ATP5F1A: variants seen among roughly 807,000 people sequenced by gnomAD.
ATP5F1A encodes ATP synthase F(1) complex subunit alpha, mitochondrial.
Under a neutral mutation model 57.4 loss-of-function variants are expected in ATP5F1A, and 24 were observed. That is an observed-to-expected ratio of 0.42 (90% confidence interval 0.30 to 0.59). The LOEUF (loss-of-function observed/expected upper bound fraction) is 0.59, where lower values mean the gene tolerates loss of function less well. Ranked by LOEUF, ATP5F1A falls within the 20% of genes least tolerant of loss-of-function variation. The pLI, the probability that ATP5F1A is intolerant of heterozygous loss-of-function variation, is 0.19. For missense variants in ATP5F1A, 494 were observed against 707.9 expected (o/e 0.70, Z 3.43); for synonymous variants, 251 against 255.5 (o/e 0.98, Z 0.17).
At chr18:46,103,566 G>C (rs1243872789) in intron 1 of ATP5F1A, among the ~76,000 whole-genome samples, 1 of 124,406 alleles carries the variant, frequency 8.0e-6, no homozygotes, top group Non-Finnish European at 1.6e-5. Context: ...CGAGAGCCGA[G>C]ATCGTGCCAC....
At chr18:46,093,052 G>A (rs1910679968) in intron 2 of ATP5F1A, 1 of 152,108 alleles carries the variant, frequency 6.6e-6, no homozygotes, top group Admixed American at 6.6e-5. Flanking sequence ...GGGTGGCTGA[G>A]GCACGAGAAT....
chr18:46,086,833 A>G, intron 8 of ATP5F1A, 175 bp downstream of exon 8: 1 of 690,822 alleles, frequency 1.4e-6, no homozygotes, highest in Non-Finnish European at 2.4e-6. Flanking sequence ...TAACTGGGTG[A>G]CAGATACATG....
chr18:46,102,779 T>C (rs995896139), upstream of ATP5F1A, among the ~76,000 whole-genome samples: 2 of 151,768 alleles, frequency 1.3e-5, no homozygotes, highest in African/African-American at 4.8e-5. Flanking sequence ...AGACCCTCTT[T>C]CTACAAAAAA....
chr18:46,090,225 G>A (rs983332241), intron 3 of ATP5F1A, among the ~76,000 whole-genome samples: 15 of 152,078 alleles, frequency 9.9e-5, no homozygotes, highest in African/African-American at 3.6e-4. Context: ...AGCCTAATAT[G>A]CTCACTATCA....
upstream of ATP5F1A, among the ~76,000 whole-genome samples, chr18:46,100,554 G>A (rs1911246743): frequency 6.6e-6 from 1 of 151,816 alleles, no homozygotes; most frequent in Admixed American, 6.6e-5. Context: ...GGAGTGCAGT[G>A]AGCTGTGATC....
chr18:46,083,707 C>T lies in ATP5F1A; in HGVS notation c.*575G>A, dbSNP rs2852362. On this transcript the variant is annotated 3_prime_UTR_variant, in exon 12 of 12. Transcript: ENST00000398752. ...GAAACTTACAAAGAGCAGCCGGGTG[C>T]GGTGGCTCACACCTGTAATCCCAGC... 19,495 of 151,828 alleles carry T rather than the reference C, an allele frequency of 0.13. 1,630 individuals carry two copies. The highest frequency in any genetic ancestry group is 0.39 in the East Asian group (2,017 of 5,142). 9.4% of individuals were successfully genotyped at this position (151,828 alleles called of 1,614,324 possible). A position where few individuals can be genotyped will look rare whatever the true frequency, so the allele number is the denominator to read the frequency against.
intron 7 of ATP5F1A, 23 bp from the exon 8 acceptor site, chr18:46,087,255 G>A: frequency 6.2e-7 from 1 of 1,612,166 alleles, no homozygotes; most frequent in Non-Finnish European, 8.5e-7. Flanking sequence ...ATAGGTTTGT[G>A]AAGTTAACCT....
intron 8 of ATP5F1A, 196 bp from the exon 9 acceptor site, chr18:46,086,690 T>C: frequency 1.6e-6 from 1 of 607,486 alleles, no homozygotes. Flanking sequence ...GAAAAAAACA[T>C]AATAGGCAAC....
At chr18:46,090,527 C>A (rs1004020489) in intron 3 of ATP5F1A, among the ~76,000 whole-genome samples, 4 of 152,144 alleles carry the variant, frequency 2.6e-5, no homozygotes, top group African/African-American at 9.7e-5. Flanking sequence ...AACATAACAG[C>A]ACCAAATCAT....
intron 10 of ATP5F1A, chr18:46,085,796 G>T: frequency 4.0e-6 from 1 of 248,498 alleles, no homozygotes; most frequent in Non-Finnish European, 7.8e-6. Flanking sequence ...AGTCGGGCGT[G>T]GTGGCTCACA....
rs1003906503 is a variant in ATP5F1A, at chr18:46,081,963, C to T, written c.*2319G>A. Reference sequence around the variant, plus strand: ...AGAGAGATGGATAAGAATGAAGTTTCGGTACAGCAAATCCCCATCAACAAA... The same window carrying T: ...AGAGAGATGGATAAGAATGAAGTTTTGGTACAGCAAATCCCCATCAACAAA... On this transcript the variant is annotated 3_prime_UTR_variant, in exon 12 of 12. Coordinates refer to ENST00000398752, the MANE Select transcript of ATP5F1A (RefSeq NM_004046.6). The T allele has an allele frequency of 2.0e-5, 3 of 150,924 alleles. No homozygotes were observed. Among genetic ancestry groups the T allele is most frequent in the Non-Finnish European group, 2.9e-5 (2 of 67,888 alleles). The allele number at this position is 150,924 out of a possible 1,614,324, so 9.3% of individuals were successfully genotyped here. A position where few individuals can be genotyped will look rare whatever the true frequency, so the allele number is the denominator to read the frequency against.
chr18:46,090,540 C>G (rs1378072668), intron 3 of ATP5F1A, among the ~76,000 whole-genome samples: 1 of 152,170 alleles, frequency 6.6e-6, no homozygotes, highest in Non-Finnish European at 1.5e-5. Context: ...CAAATCATCT[C>G]TCATCATTAA....
At chr18:46,088,055 TC>T (rs1910252033) in intron 6 of ATP5F1A, 53 bp downstream of exon 6, 1 of 1,561,350 alleles carries the variant, frequency 6.4e-7, no homozygotes, top group Admixed American at 2.2e-5. Context: ...TATTCTACAA[TC>T]AGCAGCAATG....
upstream of ATP5F1A, chr18:46,099,382 T>TGA (rs1568257451): frequency 6.6e-6 from 1 of 152,174 alleles, no homozygotes. Flanking sequence ...TGTGTGTGTG[T>TGA]GATGCTGGTT....
chr18:46,098,243 C>G lies in ATP5F1A; in HGVS notation c.-12G>C, dbSNP rs1380051009. ...CGCACGGACAGCATCTTTGCAGTTACTCCGCAGGCGGTACTTCTGCAGCCG... is the reference window on the plus strand; with the variant it reads ...CGCACGGACAGCATCTTTGCAGTTAGTCCGCAGGCGGTACTTCTGCAGCCG... On this transcript the variant is annotated 5_prime_UTR_variant, in exon 1 of 12. Transcript: ENST00000398752. The G allele has an allele frequency of 1.9e-6, 3 of 1,604,020 alleles. No individual in the cohort carries two copies. In the East Asian group the frequency reaches 6.7e-5, roughly 36 times the overall value.
chr18:46,099,946 C>G (rs935418114), upstream of ATP5F1A, among the ~76,000 whole-genome samples: 3 of 152,108 alleles, frequency 2.0e-5, no homozygotes, highest in African/African-American at 7.2e-5. Flanking sequence ...TCCTGGGAAT[C>G]AGGGGTACAA....
intron 2 of ATP5F1A, chr18:46,092,158 CAAGGGCA>C (rs1910604052): frequency 6.6e-6 from 1 of 152,230 alleles, no homozygotes. Context: ...GCCTGGGTAA[CAAGGGCA>C]AAAACTCCAT....
chr18:46,095,849 A>AATATATATTTACTGGGCAGTAAATAT (rs1910907742), intron 1 of ATP5F1A, among the ~76,000 whole-genome samples: 4 of 142,248 alleles, frequency 2.8e-5, no homozygotes, highest in Admixed American at 7.9e-5. Flanking sequence ...GCAGTAAATA[A>AATATATATTTACTGGGCAGTAAATAT]ATATATATTT....
rs1909860809 is a variant in ATP5F1A, at chr18:46,083,208, G to C, written c.*1074C>G. On this transcript the variant is annotated 3_prime_UTR_variant, in exon 12 of 12. Transcript: ENST00000398752. ...TAATCCCAGCACTTTGGGAGACCAA[G>C]GCAGGAGGATCACTTGAGCCAAGGA... is the stretch of plus-strand genomic sequence containing the variant. The C allele has an allele frequency of 6.6e-6, 1 of 152,130 alleles. No homozygotes were observed. The highest frequency in any genetic ancestry group is 2.4e-5 in the African/African-American group (1 of 41,386). The allele number at this position is 152,130 out of a possible 1,614,324, so 9.4% of individuals were successfully genotyped here. A position where few individuals can be genotyped will look rare whatever the true frequency, so the allele number is the denominator to read the frequency against.
Sources: allele counts gnomAD v4.1 joint callset (sites outside exome capture counted in the v4.1 genomes callset), GRCh38; gene constraint gnomAD v4.1.1; transcripts MANE v1.5; gene names NCBI Gene and HGNC (gene_info 2026-07-23, HGNC 2026-07-21).